The following AVEN variants were observed in gnomAD, a reference collection of about 807,000 sequenced individuals.
The protein encoded by AVEN is cell death regulator Aven.
AVEN carries 41 observed loss-of-function variants against 38.1 expected under a neutral mutation model. The observed-to-expected ratio is 1.08, with a 90% CI of 0.84 to 1.40. The LOEUF is 1.40. Among genes scored for constraint, AVEN ranks in the 40% most tolerant of loss-of-function variants. The probability of loss-of-function intolerance (pLI) is 0.00; values close to 1 mark genes in which losing one functional copy is unlikely to be tolerated. For missense variants in AVEN, 605 were observed against 438.8 expected (o/e 1.38, Z -3.38); for synonymous variants, 206 against 171.8 (o/e 1.20, Z -1.56).
At chr15:34,073,593 TCAC>T (rs1900675519) in intron 1 of AVEN, among the ~76,000 whole-genome samples, 2 of 145,832 alleles carry the variant, frequency 1.4e-5, no homozygotes, top group Middle Eastern at 3.6e-3. Context: ...TGATCTCGGC[TCAC>T]CACAACTTCC....
intron 2 of AVEN, among the ~76,000 whole-genome samples, chr15:33,879,100 C>T (rs898393401): frequency 3.3e-5 from 5 of 151,840 alleles, no homozygotes; most frequent in African/African-American, 7.3e-5. Context: ...GACACATGCA[C>T]ACGTATGTTT....
chr15:33,853,509 G>T, the AVEN span: 1 of 1,596,096 alleles, frequency 6.3e-7, no homozygotes, highest in South Asian at 1.1e-5. Context: ...GAAAATATTT[G>T]GTGGTGGCGT....
intron 11 of AVEN, among the ~76,000 whole-genome samples, chr15:33,859,368 G>T (rs967499191): frequency 3.3e-5 from 5 of 152,126 alleles, no homozygotes; most frequent in Non-Finnish European, 7.4e-5. Context: ...TAAATGTAAC[G>T]ACAGTCTTTC....
At chr15:33,983,590 C>G (rs911371996) in intron 2 of AVEN, among the ~76,000 whole-genome samples, 1 of 152,088 alleles carries the variant, frequency 6.6e-6, no homozygotes, top group Admixed American at 6.5e-5. Context: ...AAAACAGTAT[C>G]TTTGCATAGC....
At chr15:33,992,258 C>T (rs1237188614) in intron 2 of AVEN, among the ~76,000 whole-genome samples, 90 of 152,234 alleles carry the variant, frequency 5.9e-4, no homozygotes, top group Non-Finnish European at 8.8e-5. Context: ...GGCGTGGTGG[C>T]GGGCACCTGT....
intron 11 of AVEN, chr15:33,860,497 T>C: frequency 3.0e-6 from 1 of 333,604 alleles, no homozygotes; most frequent in Non-Finnish European, 5.1e-6. Context: ...GATAATTCAC[T>C]TTTTTTTTTT....
chr15:33,922,780 CTCT>C (rs1413795976), intron 2 of AVEN, among the ~76,000 whole-genome samples: 7 of 152,194 alleles, frequency 4.6e-5, no homozygotes, highest in Non-Finnish European at 8.8e-5. Flanking sequence ...CAGAGGCCTT[CTCT>C]TCTTACAGCT....
intron 5 of AVEN, among the ~76,000 whole-genome samples, chr15:34,061,897 T>G (rs974305467): frequency 6.6e-6 from 1 of 152,224 alleles, no homozygotes; most frequent in African/African-American, 2.4e-5. Context: ...AGACTGGGAC[T>G]ATAGAATAGA....
chr15:34,058,937 C>T (rs1338360179), intron 5 of AVEN, among the ~76,000 whole-genome samples: 1 of 152,146 alleles, frequency 6.6e-6, no homozygotes, highest in Non-Finnish European at 1.5e-5. Context: ...CACTCTGTCG[C>T]CCAGGCTGGA....
Position 33,871,032 on chromosome 15 carries a change from T to C in AVEN, c.517-2A>G, listed in dbSNP as rs1016069757. 3.7e-5 allele frequency: 50 copies of C among 1,351,640 alleles called. No homozygotes were observed. In the Admixed American group the frequency reaches 9.0e-4, roughly 24 times the overall value. The allele number at this position is 1,351,640 out of a possible 1,614,324, so 83.7% of individuals were successfully genotyped here. ...ACTATCCACATAAAATGCTGAATTC[T>C]ATATATATATATAAAAGAAAATAAA... On this transcript the variant is annotated splice_acceptor_variant, in intron 3 of 5. Transcript: ENST00000306730. LOFTEE classifies it high-confidence loss of function.
chr15:34,062,642 G>C, intron 5 of AVEN: 1 of 1,405,918 alleles, frequency 7.1e-7, no homozygotes, highest in Admixed American at 2.1e-5. Flanking sequence ...CTCTCTTCCA[G>C]ATGCTGGCCA....
chr15:34,047,672 A>G (rs1310145818), intron 5 of AVEN, among the ~76,000 whole-genome samples: 1 of 152,218 alleles, frequency 6.6e-6, no homozygotes, highest in African/African-American at 2.4e-5. Context: ...GAATCGAAAC[A>G]GTCCAGACAA....
chr15:34,008,978 A>ACACC (rs1897510189), intron 1 of AVEN, among the ~76,000 whole-genome samples: 1 of 135,548 alleles, frequency 7.4e-6, no homozygotes, highest in Admixed American at 7.7e-5. Flanking sequence ...ACACACACAG[A>ACACC]CCATCGAGAA....
At chr15:34,064,011 G>C (rs759671343) in intron 4 of AVEN, 1 of 1,614,178 alleles carries the variant, frequency 6.2e-7, no homozygotes, top group South Asian at 1.1e-5. Context: ...ACGAAAGAGA[G>C]TGGTCCTAGT....
intron 2 of AVEN, chr15:33,968,808 A>C (rs1895500693): frequency 6.6e-6 from 1 of 152,140 alleles, no homozygotes; most frequent in Admixed American, 6.6e-5. Context: ...GGTCAAATGC[A>C]TATAGGAACA....
At chr15:33,985,299 C>T (rs2140542565) in intron 2 of AVEN, among the ~76,000 whole-genome samples, 1 of 110,022 alleles carries the variant, frequency 9.1e-6, no homozygotes, top group East Asian at 2.6e-4. Flanking sequence ...CTCATTGCCC[C>T]CGTCTCAGAG....
At chr15:34,035,887 G>A (rs773635447) in intron 1 of AVEN, among the ~76,000 whole-genome samples, 6 of 152,090 alleles carry the variant, frequency 3.9e-5, no homozygotes, top group East Asian at 3.9e-4. Context: ...CTCCACCTCC[G>A]GGGCTCAAAA....
At chr15:33,926,140 T>G (rs1035220911) in intron 2 of AVEN, among the ~76,000 whole-genome samples, 1 of 150,982 alleles carries the variant, frequency 6.6e-6, no homozygotes, top group South Asian at 2.1e-4. Context: ...ATGTGAAAAG[T>G]ATTTCCCAGA....
intron 3 of AVEN, among the ~76,000 whole-genome samples, chr15:33,871,717 T>TA (rs1283721563): frequency 6.8e-6 from 1 of 147,066 alleles, no homozygotes; most frequent in Non-Finnish European, 1.5e-5. Flanking sequence ...AAGGGCTATT[T>TA]AGGCAGTGAG....
Sources: gnomAD v4.1 joint callset for allele counts (sites outside exome capture counted in the v4.1 genomes callset) on GRCh38, gnomAD v4.1.1 for gene constraint, MANE v1.5 for transcripts, NCBI Gene and HGNC (gene_info 2026-07-23, HGNC 2026-07-21) for gene names.